TUBG2: variants seen among roughly 807,000 people sequenced by gnomAD.
The protein encoded by TUBG2 is tubulin gamma 2, also known as tubulin gamma-2 chain.
A neutral mutation model predicts 55.1 loss-of-function variants in TUBG2; 39 were observed. The observed-to-expected ratio is 0.71, with a 90% CI of 0.55 to 0.93. TUBG2 has a LOEUF of 0.93. TUBG2 is among the 40% of genes least tolerant of loss of function. The pLI, the probability that TUBG2 is intolerant of heterozygous loss-of-function variation, is 0.00. For missense variants in TUBG2, 358 were observed against 599.1 expected (o/e 0.60, Z 4.20); for synonymous variants, 223 against 241.0 (o/e 0.93, Z 0.69).
chr17:42,665,337 G>GCGCC, intron 6 of TUBG2, 139 bp from the exon 7 acceptor site: 1 of 1,350,308 alleles, frequency 7.4e-7, no homozygotes, highest in East Asian at 2.4e-5. Context: ...ATGAGCCACC[G>GCGCC]CGCCCGGCCT....
In TUBG2 at chr17:42,666,665, G is replaced by A. The variant is rs1197015384; in HGVS notation, c.1221G>A (p.Gln407=). Residue 407 remains glutamine, a synonymous_variant, in exon 11 of 11, where the codon CAG becomes CAA. Transcript: ENST00000251412. ...GGAAGCGGGATGCCTTCCTCGAGCAGTTCCGTAAGGAGGACATGTTCAAGG... is the reference window on the plus strand; with the variant it reads ...GGAAGCGGGATGCCTTCCTCGAGCAATTCCGTAAGGAGGACATGTTCAAGG... ...KLRKRDAFLE[Q]FRKEDMFKDN... 6.2e-7 allele frequency: 1 copy of A among 1,614,222 alleles called. No homozygotes were observed. The highest frequency in any genetic ancestry group is 8.5e-7 in the Non-Finnish European group (1 of 1,180,030).
In TUBG2 at chr17:42,666,361, G is replaced by A; in HGVS notation, c.1035G>A (p.Leu345=). 1 of 1,614,220 alleles carries A rather than the reference G, an allele frequency of 6.2e-7. No homozygotes were observed. Among genetic ancestry groups the A allele is most frequent in the Non-Finnish European group, 8.5e-7 (1 of 1,180,036 alleles). ...KSLQRIRERK[L]ANFIPWGPAS... is the part of the protein sequence containing the mutation. The stretch of plus-strand genomic sequence containing the variant: ...TGCAGAGGATCCGGGAACGGAAGTT[G>A]GCCAACTTCATCCCGTGGGGCCCCG... Residue 345 remains leucine (L), a synonymous_variant, in exon 10 of 11, where the codon TTG becomes TTA. Coordinates refer to ENST00000251412, the MANE Select transcript of TUBG2 (RefSeq NM_016437.3).
chr17:42,659,296 A>G lies in TUBG2; in HGVS notation c.-208A>G. The G allele has an allele frequency of 3.8e-6, 2 of 525,900 alleles. No homozygotes were observed. The highest frequency in any genetic ancestry group is 5.0e-4 in the Middle Eastern group (1 of 1,982). The allele number at this position is 525,900 out of a possible 1,614,324, so 32.6% of individuals were successfully genotyped here. The stretch of plus-strand genomic sequence containing the variant: ...GCGCCTGTGCGGAATTCCAGCTGCG[A>G]CTGCTGAGGGAGAAAATGATGCCCA... On this transcript the variant is annotated 5_prime_UTR_variant, in exon 1 of 11. Coordinates refer to ENST00000251412, the MANE Select transcript of TUBG2 (RefSeq NM_016437.3).
At chr17:42,662,873 A>T in intron 4 of TUBG2, 100 bp from the exon 5 acceptor site, 3 of 1,154,182 alleles carry the variant, frequency 2.6e-6, no homozygotes, top group South Asian at 1.4e-5. Context: ...TTGACTGCTT[A>T]CCTGATGTGT....
chr17:42,659,334 C>G lies in TUBG2; in HGVS notation c.-170C>G, dbSNP rs977434851. The G allele has an allele frequency of 6.4e-6, 4 of 624,464 alleles. No homozygotes were observed. In the Admixed American group the frequency reaches 1.5e-4, roughly 23 times the overall value. The allele number at this position is 624,464 out of a possible 1,614,324, so 38.7% of individuals were successfully genotyped here. On this transcript the variant is annotated 5_prime_UTR_variant, in exon 1 of 11. Coordinates refer to ENST00000251412, the MANE Select transcript of TUBG2 (RefSeq NM_016437.3). Reference sequence around the variant, plus strand: ...AAAATGATGCCCAGGTTGGGCTCCCCGGCCCACCGGCCGAGGAGAGGCCTG... The same window carrying G: ...AAAATGATGCCCAGGTTGGGCTCCCGGGCCCACCGGCCGAGGAGAGGCCTG...
rs1238842556 is a variant in TUBG2, at chr17:42,665,765, A to G, written c.781A>G (p.Ile261Val). The G allele has an allele frequency of 6.2e-7, 1 of 1,614,082 alleles. No homozygotes were observed. Among genetic ancestry groups the G allele is most frequent in the South Asian group, 1.1e-5 (1 of 91,082 alleles). ...CCTCATCGGCCTCATCGCCTCGCTC[A>G]TTCCCACCCCACGGCTCCACTTCCT... ...NDLIGLIASL[I>V]PTPRLHFLMT... Residue 261 changes from isoleucine to valine, a missense_variant, in exon 8 of 11, where the codon ATT (isoleucine) becomes GTT (valine). Physicochemically the swap from Ile to Val is conservative, Grantham distance 29 (BLOSUM62 3). Coordinates refer to ENST00000251412, the MANE Select transcript of TUBG2 (RefSeq NM_016437.3).
chr17:42,662,301 C>T (rs1225542422), intron 4 of TUBG2, among the ~76,000 whole-genome samples: 1 of 152,024 alleles, frequency 6.6e-6, no homozygotes, highest in Admixed American at 6.6e-5. Flanking sequence ...GAGATCCTGT[C>T]TCTAAAACCA....
intron 5 of TUBG2, 81 bp from the exon 6 acceptor site, chr17:42,663,296 C>G (rs1473545386): frequency 6.3e-7 from 1 of 1,586,986 alleles, no homozygotes; most frequent in Non-Finnish European, 8.6e-7. Flanking sequence ...TGCCCTCACC[C>G]CTTTTGTACA....
Position 42,666,861 on chromosome 17 carries a change from T to C in TUBG2, c.*61T>C. The C allele has an allele frequency of 6.3e-7, 1 of 1,582,436 alleles. No homozygotes were observed. Among genetic ancestry groups the C allele is most frequent in the Admixed American group, 1.7e-5 (1 of 58,776 alleles). Reference sequence around the variant, plus strand: ...TAACCACAGCCTCGACCATGCCTGCTCCCTCTGACCCAGCTTCACCTCATG... The same window carrying C: ...TAACCACAGCCTCGACCATGCCTGCCCCCTCTGACCCAGCTTCACCTCATG... On this transcript the variant is annotated 3_prime_UTR_variant, in exon 11 of 11. Transcript: ENST00000251412.
rs535157594 is a variant in TUBG2 at position 42,666,424 on chromosome 17, C to T, written c.1098C>T (p.Tyr366=). The T allele has an allele frequency of 6.2e-6, 10 of 1,614,204 alleles. 1 individual carries two copies. The South Asian group carries it at 1.1e-4, about 18-fold the overall frequency. ...IQVALSRKSP[Y]LPSAHRVSGL... is the part of the protein sequence containing the mutation. ...TGGCCCTGTCGAGGAAGTCTCCCTA[C>T]CTGCCCTCGGCCCACCGGGTCAGCG... Residue 366 remains tyrosine (Y), a synonymous_variant, in exon 10 of 11, where the codon TAC becomes TAT. Transcript: ENST00000251412.
In TUBG2 at chr17:42,659,535, G is replaced by C; in HGVS notation, c.32G>C (p.Gly11Ala). 1 of 1,551,554 alleles carries C rather than the reference G, an allele frequency of 6.4e-7. No homozygotes were observed. Reference protein sequence around the residue: MPREIITLQLGQCGNQIGFEF... With the variant: MPREIITLQLAQCGNQIGFEF... ...CGGGAGATCATCACCCTGCAGCTGG[G>C]CCAGTGCGGCAACCAGAGTGAGCAA... Residue 11 changes from glycine to alanine, a missense_variant, in exon 1 of 11, where the codon GGC (glycine) becomes GCC (alanine). By Grantham distance (60) the Gly-to-Ala change is moderately conservative (BLOSUM62 0). Transcript: ENST00000251412.
In TUBG2 at chr17:42,666,920, G is replaced by A. The variant is rs1040605412; in HGVS notation, c.*120G>A. The A allele has an allele frequency of 9.9e-7, 1 of 1,012,188 alleles. No homozygotes were observed. Among genetic ancestry groups the A allele is most frequent in the East Asian group, 2.6e-5 (1 of 38,884 alleles). The allele number at this position is 1,012,188 out of a possible 1,614,324, so 62.7% of individuals were successfully genotyped here. A position where few individuals can be genotyped will look rare whatever the true frequency, so the allele number is the denominator to read the frequency against. ...TTCTTGGTTCATCTCCAGCCCGTGA[G>A]CTGGTCCTGCTTCCTCCCTTCCATG... is the stretch of plus-strand genomic sequence containing the variant. On this transcript the variant is annotated 3_prime_UTR_variant, in exon 11 of 11. Coordinates refer to ENST00000251412, the MANE Select transcript of TUBG2 (RefSeq NM_016437.3).
chr17:42,665,832 G>A lies in TUBG2; in HGVS notation c.843+5G>A, dbSNP rs770866615. The stretch of plus-strand genomic sequence containing the variant: ...CCGCTCACTACAGACCAGTCAGTAA[G>A]AGCAGCCTTCAGTGTCCCAGGCCAG... On this transcript the variant is annotated splice_donor_5th_base_variant and intron_variant, in intron 8 of 10. Coordinates refer to ENST00000251412, the MANE Select transcript of TUBG2 (RefSeq NM_016437.3). The A allele has an allele frequency of 5.0e-5, 81 of 1,614,060 alleles. No homozygotes were observed. The highest frequency in any genetic ancestry group is 6.5e-5 in the Non-Finnish European group (77 of 1,180,014).
rs1246283414 is a variant in TUBG2 at position 42,665,788 on chromosome 17, C to T, written c.804C>T (p.Phe268=). 6.2e-7 allele frequency: 1 copy of T among 1,614,102 alleles called. No homozygotes were observed. The highest frequency in any genetic ancestry group is 8.5e-7 in the Non-Finnish European group (1 of 1,180,048). The change falls in exon 8 of 11, where the codon TTC becomes TTT. Residue 268 remains phenylalanine (F), a synonymous_variant. Transcript: ENST00000251412. ...ASLIPTPRLH[F]LMTGYTPLTT... ...TCATTCCCACCCCACGGCTCCACTTCCTCATGACCGGCTACACCCCGCTCA... is the reference window on the plus strand; with the variant it reads ...TCATTCCCACCCCACGGCTCCACTTTCTCATGACCGGCTACACCCCGCTCA...
Position 42,664,697 on chromosome 17 carries a change from C to T in TUBG2, c.607-779C>T, listed in dbSNP as rs117422022. On this transcript the variant is annotated intron_variant, in intron 6 of 10. Coordinates refer to ENST00000251412, the MANE Select transcript of TUBG2 (RefSeq NM_016437.3). The stretch of plus-strand genomic sequence containing the variant: ...ACTATAGGCCTAATGAAGGGAAAGA[C>T]GGTGCCTGTTCCTCTCTGTGGTCTT... Among the ~76,000 whole-genome samples the T allele has an allele frequency of 5.9e-3, 892 of 151,878 alleles. 3 individuals are homozygous for T. The highest frequency in any genetic ancestry group is 9.2e-3 in the Admixed American group (140 of 15,242).
At chr17:42,660,372 G>A in intron 3 of TUBG2, 56 bp downstream of exon 3, 4 of 1,608,878 alleles carry the variant, frequency 2.5e-6, no homozygotes, top group Non-Finnish European at 3.4e-6. Flanking sequence ...GGCAAGGCAG[G>A]CTCAAGCTAC....
chr17:42,666,943 A>T lies in TUBG2; in HGVS notation c.*143A>T. ...GAGCTGGTCCTGCTTCCTCCCTTCC[A>T]TGCCCTAACTTTTAATATGCTTGTT... On this transcript the variant is annotated 3_prime_UTR_variant, in exon 11 of 11. Transcript: ENST00000251412. The T allele has an allele frequency of 1.3e-6, 1 of 785,784 alleles. No individual in the cohort carries two copies. Among genetic ancestry groups the T allele is most frequent in the Non-Finnish European group, 2.0e-6 (1 of 493,276 alleles). The allele number at this position is 785,784 out of a possible 1,614,324, so 48.7% of individuals were successfully genotyped here.
At chr17:42,665,902 C>T (rs2052524839) in intron 8 of TUBG2, 75 bp downstream of exon 8, 2 of 1,601,878 alleles carry the variant, frequency 1.2e-6, no homozygotes, top group Non-Finnish European at 1.7e-6. Flanking sequence ...TTTCTCTCTT[C>T]CCCACTGCCC....
chr17:42,665,413 CA>C, intron 6 of TUBG2, 62 bp from the exon 7 acceptor site: 1 of 1,611,796 alleles, frequency 6.2e-7, no homozygotes, highest in Non-Finnish European at 8.5e-7. Context: ...GGGGCTAAGC[CA>C]ATATCTTATT....
Sources: allele counts gnomAD v4.1 joint callset (sites outside exome capture counted in the v4.1 genomes callset), GRCh38; gene constraint gnomAD v4.1.1; transcripts MANE v1.5; gene names NCBI Gene and HGNC (gene_info 2026-07-23, HGNC 2026-07-21).